Variants in ADCY2 observed in about 807,000 individuals in gnomAD.
ADCY2 encodes the protein adenylate cyclase type 2.
ADCY2 carries 31 observed loss-of-function variants against 125.2 expected under a neutral mutation model. The observed-to-expected ratio is 0.25, with a 90% CI of 0.19 to 0.33. The LOEUF (loss-of-function observed/expected upper bound fraction) is 0.33. ADCY2 is among the 10% of genes least tolerant of loss of function. ADCY2 has a pLI of 1.00. For missense variants in ADCY2, 904 were observed against 1,418.2 expected (o/e 0.64, Z 5.82); for synonymous variants, 512 against 548.4 (o/e 0.93, Z 0.93).
At chr5:7,443,768 A>AT (rs1035018845) in intron 2 of ADCY2, among the ~76,000 whole-genome samples, 17 of 150,404 alleles carry the variant, frequency 1.1e-4, no homozygotes, top group African/African-American at 2.4e-4. Flanking sequence ...GAGTGCTAAG[A>AT]TTTTTTTGTT....
intron 2 of ADCY2, among the ~76,000 whole-genome samples, chr5:7,501,613 C>CATATCCCAT (rs1369322467): frequency 7.9e-6 from 1 of 126,846 alleles, no homozygotes; most frequent in Non-Finnish European, 1.6e-5. Flanking sequence ...GATGTTTCCT[C>CATATCCCAT]ATATCCCATC....
intron 24 of ADCY2, among the ~76,000 whole-genome samples, chr5:7,823,740 T>C (rs1745375167): frequency 1.3e-5 from 2 of 152,172 alleles, no homozygotes; most frequent in Admixed American, 1.3e-4. Context: ...TTTAAGCACT[T>C]GGGAGAAGTA....
intron 3 of ADCY2, chr5:7,522,691 A>G (rs1014066857): frequency 2.0e-5 from 3 of 149,214 alleles, no homozygotes; most frequent in Admixed American, 1.3e-4. Context: ...TCACAAGGTC[A>G]GGAGATCAAG....
chr5:7,787,258 C>T (rs1299342692), intron 19 of ADCY2, among the ~76,000 whole-genome samples: 1 of 152,212 alleles, frequency 6.6e-6, no homozygotes, highest in African/African-American at 2.4e-5. Flanking sequence ...GTCACCCAGG[C>T]AGGGGCTTCA....
intron 2 of ADCY2, among the ~76,000 whole-genome samples, chr5:7,471,015 T>A (rs1188845845): frequency 6.6e-6 from 1 of 151,904 alleles, no homozygotes; most frequent in Non-Finnish European, 1.5e-5. Context: ...GTAAGTAATG[T>A]CCTTTTTTAT....
rs577964028 is a variant in ADCY2, at chr5:7,521,639, C to G, written c.570+740C>G. 2.0e-5 allele frequency among the ~76,000 whole-genome samples: 3 copies of G among 152,294 alleles called. No individual in the cohort carries two copies. In the East Asian group the frequency reaches 5.8e-4, roughly 29 times the overall value. ...GGGGCTGAGAAAATTGCAGTTGTGA[C>G]AACACTGTGCCATTCTAAAGGAACT... On this transcript the variant is annotated intron_variant, in intron 3 of 24. Transcript: ENST00000338316.
At chr5:7,722,619 C>T (rs1741795196) in intron 12 of ADCY2, among the ~76,000 whole-genome samples, 1 of 151,886 alleles carries the variant, frequency 6.6e-6, no homozygotes, top group East Asian at 1.9e-4. Flanking sequence ...AAGTTTGTTT[C>T]CCTACAGCTT....
chr5:7,551,305 A>G (rs1333645762), intron 3 of ADCY2, among the ~76,000 whole-genome samples: 1 of 152,126 alleles, frequency 6.6e-6, no homozygotes, highest in East Asian at 1.9e-4. Flanking sequence ...CAGAGCCTGC[A>G]CTATTTATGT....
intron 4 of ADCY2, among the ~76,000 whole-genome samples, chr5:7,677,562 C>T (rs377018084): frequency 6.6e-6 from 1 of 152,156 alleles, no homozygotes; most frequent in East Asian, 1.9e-4. Context: ...TTAGGGAAGC[C>T]AGTCCAACCT....
chr5:7,732,953 C>A (rs143690819), intron 14 of ADCY2, among the ~76,000 whole-genome samples: 2 of 152,340 alleles, frequency 1.3e-5, no homozygotes, highest in African/African-American at 4.8e-5. Flanking sequence ...CTCACTCTGT[C>A]TGCCCTGTAG....
At chr5:7,486,049 A>G (rs775906657) in intron 2 of ADCY2, among the ~76,000 whole-genome samples, 9 of 152,204 alleles carry the variant, frequency 5.9e-5, no homozygotes, top group African/African-American at 9.7e-5. Context: ...TTTAAATCCA[A>G]GGTGACAATA....
chr5:7,611,090 C>A (rs1036724019), intron 3 of ADCY2: 18 of 152,118 alleles, frequency 1.2e-4, no homozygotes, highest in Admixed American at 6.5e-4. Flanking sequence ...TTTAGGGCCA[C>A]CTGACCATGG....
intron 15 of ADCY2, among the ~76,000 whole-genome samples, chr5:7,754,297 T>C (rs558849389): frequency 2.6e-5 from 4 of 152,362 alleles, no homozygotes; most frequent in Admixed American, 2.0e-4. Context: ...AGTAACTTGT[T>C]TTAATTTTGT....
rs192471368 is a variant in ADCY2, at chr5:7,772,852, G to A, written c.2215-80G>A. The stretch of plus-strand genomic sequence containing the variant: ...TATATGTTGACCAGATGAGATGGGC[G>A]GTGGTCCCCTGATTGTAATTGTTTC... On this transcript the variant is annotated intron_variant, in intron 17 of 24. Transcript: ENST00000338316. 1.4e-4 allele frequency: 192 copies of A among 1,378,968 alleles called. 1 individual carries two copies. In the South Asian group the frequency reaches 2.1e-3, roughly 15 times the overall value. 85.4% of individuals were successfully genotyped at this position (1,378,968 alleles called of 1,614,324 possible).
chr5:7,787,005 T>G (rs1176908813), intron 19 of ADCY2, among the ~76,000 whole-genome samples: 1 of 152,150 alleles, frequency 6.6e-6, no homozygotes, highest in Admixed American at 6.5e-5. Context: ...TCCTGGAGGA[T>G]TCTCCTGGGC....
intron 20 of ADCY2, among the ~76,000 whole-genome samples, chr5:7,791,625 C>T (rs1744250382): frequency 1.3e-5 from 2 of 152,130 alleles, no homozygotes; most frequent in African/African-American, 4.8e-5. Context: ...ACCTGATTTT[C>T]CTATTGATCA....
At chr5:7,630,037 A>G (rs540403530) in intron 4 of ADCY2, among the ~76,000 whole-genome samples, 1 of 152,306 alleles carries the variant, frequency 6.6e-6, no homozygotes, top group South Asian at 2.1e-4. Flanking sequence ...CATCCTGTGG[A>G]TCAAATATGA....
intron 16 of ADCY2, among the ~76,000 whole-genome samples, chr5:7,766,324 C>T (rs967400885): frequency 3.3e-5 from 5 of 152,064 alleles, no homozygotes; most frequent in African/African-American, 9.7e-5. Flanking sequence ...AAAAGCATTC[C>T]GAAGGCTCCG....
In ADCY2 at chr5:7,778,175, GT is replaced by G. The variant is rs549044969; in HGVS notation, c.2384+5079del. The stretch of plus-strand genomic sequence containing the variant: ...ATAACAACTGATGTTGCTGGAAGCT[GT>G]TTTTGTCTCAAAGACACTTATCCTT... On this transcript the variant is annotated intron_variant, in intron 18 of 24. Coordinates refer to ENST00000338316, the MANE Select transcript of ADCY2 (RefSeq NM_020546.3). Among the ~76,000 whole-genome samples, 29 of 152,360 alleles carry G rather than the reference GT, an allele frequency of 1.9e-4. No individual in the cohort carries two copies. The South Asian group carries it at 2.5e-3, about 13-fold the overall frequency.
Sources: allele counts gnomAD v4.1 joint callset (sites outside exome capture counted in the v4.1 genomes callset), GRCh38; gene constraint gnomAD v4.1.1; transcripts MANE v1.5; gene names NCBI Gene and HGNC (gene_info 2026-07-23, HGNC 2026-07-21).